Variants in GRIA4 observed in about 807,000 individuals in gnomAD.
The protein encoded by GRIA4 is glutamate receptor 4.
GRIA4 carries 34 observed loss-of-function variants against 104.0 expected under a neutral mutation model. The observed-to-expected ratio is 0.33, with a 90% confidence interval of 0.25 to 0.44. The LOEUF (loss-of-function observed/expected upper bound fraction) is 0.44, where lower values mean the gene tolerates loss of function less well. Among genes scored for constraint, GRIA4 ranks in the 20% least tolerant of loss-of-function variants. GRIA4 has a pLI of 1.00. For synonymous variants in GRIA4, 386 were observed against 381.9 expected (o/e 1.01, Z -0.13); for missense variants, 750 against 1,096.5 (o/e 0.68, Z 4.46).
intron 3 of GRIA4, among the ~76,000 whole-genome samples, chr11:105,722,747 T>C (rs865791229): frequency 2.0e-5 from 3 of 152,146 alleles, no homozygotes; most frequent in African/African-American, 7.2e-5. Flanking sequence ...ATGGTATATG[T>C]ATTTTATTAA....
chr11:105,794,502 T>C lies in GRIA4; in HGVS notation c.487+41282T>C, dbSNP rs1279692764. ...ATATATATATATATATATATATATA[T>C]ATATATATATACATATACACACACA... On this transcript the variant is annotated intron_variant, in intron 4 of 16. Transcript: ENST00000282499. Among the ~76,000 whole-genome samples the C allele has an allele frequency of 5.0e-4, 61 of 121,958 alleles. 4 individuals carry two copies. Among genetic ancestry groups the C allele is most frequent in the South Asian group, 4.8e-3 (19 of 3,930 alleles). The allele number at this position is 121,958 out of a possible 152,430, so 80.0% of individuals were successfully genotyped here.
chr11:105,634,480 A>AGG (rs1555085825), intron 3 of GRIA4, among the ~76,000 whole-genome samples: 1,151 of 60,096 alleles, frequency 0.019, 26 homozygotes, highest in African/African-American at 0.052. Context: ...AAAGAAAGAA[A>AGG]GAAAGAAAGA....
At position 105,974,305 on chromosome 11, in the gene GRIA4, C is replaced by G. The variant is rs149543824; in HGVS notation, c.2410-5C>G. 4 of 1,613,340 alleles carry G rather than the reference C, an allele frequency of 2.5e-6. No homozygotes were observed. The highest frequency in any genetic ancestry group is 2.2e-5 in the East Asian group (1 of 44,886). ...AGTTAACTGAAGTGTCTTTATCCCCCCTAGGACAAGACGAGTGCCTTGAGC... is the reference window on the plus strand; with the variant it reads ...AGTTAACTGAAGTGTCTTTATCCCCGCTAGGACAAGACGAGTGCCTTGAGC... On this transcript the variant is annotated splice_region_variant and splice_polypyrimidine_tract_variant and intron_variant, in intron 15 of 16. Coordinates refer to ENST00000282499, the MANE Select transcript of GRIA4 (RefSeq NM_000829.4).
chr11:105,649,385 A>G (rs1951623315), intron 3 of GRIA4, among the ~76,000 whole-genome samples: 1 of 152,146 alleles, frequency 6.6e-6, no homozygotes. Context: ...CATTTAGAAA[A>G]CAATGTGTGC....
At chr11:105,789,337 T>C (rs79654070) in intron 4 of GRIA4, among the ~76,000 whole-genome samples, 1 of 152,146 alleles carries the variant, frequency 6.6e-6, no homozygotes, top group African/African-American at 2.4e-5. Flanking sequence ...GTTACAGGTT[T>C]ATATTAGATC....
At chr11:105,747,533 T>C (rs947362663) in intron 3 of GRIA4, among the ~76,000 whole-genome samples, 10 of 152,258 alleles carry the variant, frequency 6.6e-5, no homozygotes, top group South Asian at 2.1e-4. Context: ...ATTATTCAGA[T>C]GGAGTATGGA....
At chr11:105,897,507 A>G (rs989816907) in intron 6 of GRIA4, among the ~76,000 whole-genome samples, 1 of 151,922 alleles carries the variant, frequency 6.6e-6, no homozygotes, top group African/African-American at 2.4e-5. Flanking sequence ...ATAATGCTTC[A>G]AGCTTTTGCC....
intron 13 of GRIA4, among the ~76,000 whole-genome samples, chr11:105,929,780 C>A (rs1323713195): frequency 6.6e-6 from 1 of 152,026 alleles, no homozygotes; most frequent in East Asian, 1.9e-4. Context: ...TAACACATGA[C>A]ATTTGTACAC....
At chr11:105,898,208 A>G in intron 6 of GRIA4, 61 bp from the exon 7 acceptor site, 1 of 789,782 alleles carries the variant, frequency 1.3e-6, no homozygotes, top group South Asian at 1.8e-5. Flanking sequence ...TTATGTTACT[A>G]TTGAAGAGCT....
chr11:105,701,571 T>C (rs942916622), intron 3 of GRIA4, among the ~76,000 whole-genome samples: 3 of 152,064 alleles, frequency 2.0e-5, no homozygotes, highest in African/African-American at 4.8e-5. Context: ...TGTGTTCATA[T>C]GAATAGGAAA....
chr11:105,845,678 T>TA (rs1224113237), intron 4 of GRIA4, among the ~76,000 whole-genome samples: 3 of 151,292 alleles, frequency 2.0e-5, no homozygotes, highest in African/African-American at 7.3e-5. Flanking sequence ...GGTCAGGAGA[T>TA]AGAGACCATC....
chr11:105,910,201 A>C (rs1947183953), intron 9 of GRIA4, among the ~76,000 whole-genome samples: 1 of 152,086 alleles, frequency 6.6e-6, no homozygotes. Flanking sequence ...TCACTCCACT[A>C]TTGTAAACAG....
intron 4 of GRIA4, among the ~76,000 whole-genome samples, chr11:105,771,422 T>C (rs1005229140): frequency 6.6e-6 from 1 of 152,098 alleles, no homozygotes; most frequent in African/African-American, 2.4e-5. Flanking sequence ...ACATTCTCTT[T>C]GGGGACAATG....
chr11:105,673,241 T>A (rs1260527302), intron 3 of GRIA4, among the ~76,000 whole-genome samples: 2 of 152,118 alleles, frequency 1.3e-5, no homozygotes, highest in African/African-American at 4.8e-5. Flanking sequence ...CCCCACATCC[T>A]AAGTTTGTGG....
At chr11:105,629,899 A>T (rs1054371252) in intron 3 of GRIA4, among the ~76,000 whole-genome samples, 3 of 152,254 alleles carry the variant, frequency 2.0e-5, no homozygotes, top group Non-Finnish European at 4.4e-5. Flanking sequence ...TATCATCATT[A>T]CATTTGCTTA....
chr11:105,915,288 T>G (rs1947367993), intron 10 of GRIA4, among the ~76,000 whole-genome samples: 1 of 152,178 alleles, frequency 6.6e-6, no homozygotes, highest in African/African-American at 2.4e-5. Flanking sequence ...AAAGTCTAAC[T>G]GCATTTCTAA....
intron 6 of GRIA4, among the ~76,000 whole-genome samples, chr11:105,895,737 C>T (rs756247560): frequency 1.1e-4 from 17 of 152,212 alleles, no homozygotes; most frequent in African/African-American, 2.6e-4. Context: ...CCAGCTTCTT[C>T]GCTCCATCTG....
intron 10 of GRIA4, chr11:105,912,365 A>G: frequency 1.0e-6 from 1 of 971,194 alleles, no homozygotes; most frequent in Non-Finnish European, 1.2e-6. Flanking sequence ...TAGGTATGAT[A>G]TAGAGAATCT....
At chr11:105,952,406 G>T (rs548911269) in intron 14 of GRIA4, among the ~76,000 whole-genome samples, 1 of 152,124 alleles carries the variant, frequency 6.6e-6, no homozygotes, top group South Asian at 2.1e-4. Context: ...ATGAAGCTAA[G>T]TTTCATGAAA....
Sources: gnomAD v4.1 joint callset for allele counts (sites outside exome capture counted in the v4.1 genomes callset) on GRCh38, gnomAD v4.1.1 for gene constraint, MANE v1.5 for transcripts, NCBI Gene and HGNC (gene_info 2026-07-23, HGNC 2026-07-21) for gene names.